The following GPC6 variants were observed in gnomAD, a reference collection of about 807,000 sequenced individuals.
The protein encoded by GPC6 is glypican 6, also known as glypican-6.
In GPC6, 14 loss-of-function variants were observed where a neutral mutation model predicts 55.2. The observed-to-expected ratio is 0.25, with a 90% CI of 0.17 to 0.40. The LOEUF is 0.40. Ranked by LOEUF, GPC6 falls within the 10% of genes least tolerant of loss-of-function variation. The probability of loss-of-function intolerance (pLI) is 1.00; values close to 1 mark genes in which losing one functional copy is unlikely to be tolerated. For synonymous variants in GPC6, 278 were observed against 259.6 expected, an observed-to-expected ratio of 1.07 and a Z score of -0.68; for missense variants, 641 against 708.5, an observed-to-expected ratio of 0.90 and a Z score of 1.08.
At chr13:93,450,673 A>C in intron 1 of GPC6, 1 of 840,092 alleles carries the variant, frequency 1.2e-6, no homozygotes. Context: ...ACTTCTGTGG[A>C]AGGAGTAGAA....
intron 2 of GPC6, among the ~76,000 whole-genome samples, chr13:93,753,793 T>G (rs1280505512): frequency 6.6e-6 from 1 of 152,150 alleles, no homozygotes; most frequent in Non-Finnish European, 1.5e-5. Flanking sequence ...TTTATTTATT[T>G]GTTTTAAAGA....
intron 1 of GPC6, among the ~76,000 whole-genome samples, chr13:93,527,637 A>C (rs1487296378): frequency 6.6e-6 from 1 of 152,106 alleles, no homozygotes; most frequent in Non-Finnish European, 1.5e-5. Context: ...CCTATACACA[A>C]ATTTTAGAAA....
At chr13:93,659,893 G>A (rs2139610866) in intron 2 of GPC6, among the ~76,000 whole-genome samples, 1 of 152,022 alleles carries the variant, frequency 6.6e-6, no homozygotes, top group Non-Finnish European at 1.5e-5. Flanking sequence ...AGTAAAAAAG[G>A]AAATATATAT....
intron 3 of GPC6, among the ~76,000 whole-genome samples, chr13:93,955,256 CACA>C (rs1879457080): frequency 6.7e-6 from 1 of 148,416 alleles, no homozygotes; most frequent in Non-Finnish European, 1.5e-5. Flanking sequence ...CACACACACA[CACA>C]CACACACACA....
intron 1 of GPC6, among the ~76,000 whole-genome samples, chr13:93,394,551 T>C (rs1283304475): frequency 6.6e-6 from 1 of 152,212 alleles, no homozygotes; most frequent in Non-Finnish European, 1.5e-5. Flanking sequence ...TCTATTCAAA[T>C]GTAATACAAA....
At chr13:93,259,224 T>C (rs943185156) in intron 1 of GPC6, among the ~76,000 whole-genome samples, 2 of 152,180 alleles carry the variant, frequency 1.3e-5, no homozygotes, top group Admixed American at 1.3e-4. Context: ...ATGCCTGATA[T>C]TCTGTTGAGT....
At chr13:93,938,350 T>G (rs1878546953) in intron 3 of GPC6, among the ~76,000 whole-genome samples, 1 of 152,212 alleles carries the variant, frequency 6.6e-6, no homozygotes, top group Admixed American at 6.5e-5. Context: ...CAATTTAATT[T>G]GAACTTCAAT....
At chr13:93,675,242 T>C (rs2139633493) in intron 2 of GPC6, among the ~76,000 whole-genome samples, 1 of 152,170 alleles carries the variant, frequency 6.6e-6, no homozygotes, top group Non-Finnish European at 1.5e-5. Flanking sequence ...AGTCTCCAGT[T>C]TAGGGGTTTT....
intron 2 of GPC6, among the ~76,000 whole-genome samples, chr13:93,799,880 A>G (rs1477180048): frequency 6.6e-6 from 1 of 152,168 alleles, no homozygotes; most frequent in Admixed American, 6.5e-5. Context: ...AGAAGTTACT[A>G]TCTAGTGGAA....
chr13:93,721,252 T>C (rs1461682456), intron 2 of GPC6, among the ~76,000 whole-genome samples: 1 of 151,976 alleles, frequency 6.6e-6, no homozygotes, highest in African/African-American at 2.4e-5. Context: ...TGCTCCTGTA[T>C]TGGGTGGATA....
At chr13:93,931,413 A>G (rs1878163510) in intron 3 of GPC6, among the ~76,000 whole-genome samples, 1 of 145,576 alleles carries the variant, frequency 6.9e-6, no homozygotes, top group Non-Finnish European at 1.5e-5. Context: ...GTTAGAGGCC[A>G]CAGGGGAAAT....
chr13:94,063,144 C>G (rs777144302), intron 4 of GPC6, among the ~76,000 whole-genome samples: 1 of 152,178 alleles, frequency 6.6e-6, no homozygotes, highest in Non-Finnish European at 1.5e-5. Flanking sequence ...TTCACTGACT[C>G]TTCCAGCTTG....
At chr13:93,647,682 T>A (rs1183849112) in intron 2 of GPC6, among the ~76,000 whole-genome samples, 1 of 152,216 alleles carries the variant, frequency 6.6e-6, no homozygotes, top group Non-Finnish European at 1.5e-5. Flanking sequence ...CTTCCATAAC[T>A]GTCACGTCAA....
rs1881397664 is a variant in GPC6 at position 94,407,065 on chromosome 13, T to C, written c.*3848T>C. On this transcript the variant is annotated 3_prime_UTR_variant, in exon 9 of 9. Coordinates refer to ENST00000377047, the MANE Select transcript of GPC6 (RefSeq NM_005708.5). ...CTTATACAAAGAGAGTATTGATTTG[T>C]ACACATTCTGGAGACTTGCTATATC... The C allele has an allele frequency of 6.6e-6, 1 of 152,114 alleles. No individual in the cohort carries two copies. The highest frequency in any genetic ancestry group is 2.4e-5 in the African/African-American group (1 of 41,446). The allele number at this position is 152,114 out of a possible 1,614,324, so 9.4% of individuals were successfully genotyped here.
chr13:93,951,072 A>G (rs1879232647), intron 3 of GPC6, among the ~76,000 whole-genome samples: 1 of 152,210 alleles, frequency 6.6e-6, no homozygotes. Context: ...CTTGTATTAC[A>G]TACAAGATAC....
At chr13:93,446,979 G>A (rs1277070255) in intron 1 of GPC6, among the ~76,000 whole-genome samples, 4 of 151,972 alleles carry the variant, frequency 2.6e-5, no homozygotes, top group Non-Finnish European at 5.9e-5. Flanking sequence ...GGTGGGTGGT[G>A]GTGCTTGCTG....
At chr13:93,754,258 C>T (rs1053509387) in intron 2 of GPC6, among the ~76,000 whole-genome samples, 1 of 152,156 alleles carries the variant, frequency 6.6e-6, no homozygotes, top group African/African-American at 2.4e-5. Flanking sequence ...AAAGAGAGGA[C>T]ATTAGTAACA....
chr13:93,381,881 C>G (rs1185989892), intron 1 of GPC6, among the ~76,000 whole-genome samples: 1 of 152,096 alleles, frequency 6.6e-6, no homozygotes, highest in African/African-American at 2.4e-5. Flanking sequence ...TTGCTGACTA[C>G]TTACCAGTCA....
chr13:94,190,235 G>A (rs1889345096), intron 4 of GPC6, among the ~76,000 whole-genome samples: 1 of 151,724 alleles, frequency 6.6e-6, no homozygotes, highest in South Asian at 2.1e-4. Context: ...AGGCAGAATT[G>A]TTTGAACCCG....
Sources: gnomAD v4.1 joint callset for allele counts (sites outside exome capture counted in the v4.1 genomes callset) on GRCh38, gnomAD v4.1.1 for gene constraint, MANE v1.5 for transcripts, NCBI Gene and HGNC (gene_info 2026-07-23, HGNC 2026-07-21) for gene names.